Variants in NTN4 observed in about 807,000 individuals in gnomAD.
NTN4 encodes the protein netrin-4.
Under a neutral mutation model 73.6 loss-of-function variants are expected in NTN4, and 32 were observed. The ratio of observed to expected loss-of-function variants is 0.44; its 90% CI spans 0.33 to 0.58. The LOEUF is 0.58. Among genes scored for constraint, NTN4 ranks in the 20% least tolerant of loss-of-function variants. The pLI, the probability that NTN4 is intolerant of heterozygous loss-of-function variation, is 0.04. For missense variants in NTN4, 654 were observed against 798.3 expected, an observed-to-expected ratio of 0.82 and a Z score of 2.18; for synonymous variants, 258 against 287.5, an observed-to-expected ratio of 0.90 and a Z score of 1.04.
At chr12:95,676,251 G>A (rs757255851) in intron 7 of NTN4, among the ~76,000 whole-genome samples, 2 of 151,780 alleles carry the variant, frequency 1.3e-5, no homozygotes, top group East Asian at 1.9e-4. Flanking sequence ...TCACAGGTAC[G>A]CGCCACCACA....
chr12:95,713,182 G>A, intron 4 of NTN4, 30 bp downstream of exon 4: 3 of 1,601,230 alleles, frequency 1.9e-6, no homozygotes, highest in Non-Finnish European at 2.6e-6. Context: ...TACAAAGAAA[G>A]CTTTTGAGTA....
At chr12:95,763,730 T>C (rs2079003482) in intron 2 of NTN4, among the ~76,000 whole-genome samples, 1 of 152,250 alleles carries the variant, frequency 6.6e-6, no homozygotes, top group Non-Finnish European at 1.5e-5. Context: ...TCCAATTTTA[T>C]TTTTTAATCC....
At chr12:95,773,140 A>C (rs146235654) in intron 2 of NTN4, among the ~76,000 whole-genome samples, 1 of 152,120 alleles carries the variant, frequency 6.6e-6, no homozygotes, top group East Asian at 1.9e-4. Flanking sequence ...AGTAGCTGGA[A>C]TTTCAGGCAC....
At position 95,682,057 on chromosome 12, in the gene NTN4, C is replaced by CTTTTTTTTTTTTTTTTTTTT. The variant is rs557973212; in HGVS notation, c.1510+630_1510+649dup. On this transcript the variant is annotated intron_variant, in intron 7 of 9. Transcript: ENST00000343702. ...TTCCAAACCTAATATATTCAGTAGG[C>CTTTTTTTTTTTTTTTTTTTT]TTTTTTTTTTTTTTTTTTTTTTTGA... 4.5e-4 allele frequency among the ~76,000 whole-genome samples: 29 copies of CTTTTTTTTTTTTTTTTTTTT among 64,540 alleles called. 7 individuals carry two copies. The highest frequency in any genetic ancestry group is 7.7e-4 in the Admixed American group (3 of 3,902). The allele number at this position is 64,540 out of a possible 152,430, so 42.3% of individuals were successfully genotyped here.
chr12:95,716,269 C>G (rs574960330), intron 3 of NTN4, among the ~76,000 whole-genome samples: 101 of 152,246 alleles, frequency 6.6e-4, no homozygotes, highest in Non-Finnish European at 1.1e-3. Flanking sequence ...CTGTATAAAA[C>G]TTCTAAGTGC....
chr12:95,668,392 A>C (rs913400361), intron 8 of NTN4, among the ~76,000 whole-genome samples: 2 of 152,238 alleles, frequency 1.3e-5, no homozygotes, highest in Non-Finnish European at 2.9e-5. Context: ...ACTTTGAACT[A>C]AATTATCATA....
At chr12:95,659,472 AT>A (rs1265836824) in intron 9 of NTN4, among the ~76,000 whole-genome samples, 2 of 151,704 alleles carry the variant, frequency 1.3e-5, no homozygotes, top group African/African-American at 4.8e-5. Context: ...ATTTTTTCAT[AT>A]TTTTTGTCGA....
chr12:95,697,179 C>CAA (rs35893418), intron 5 of NTN4, among the ~76,000 whole-genome samples: 44 of 129,674 alleles, frequency 3.4e-4, no homozygotes, highest in South Asian at 4.9e-4. Context: ...AACCCTGTCT[C>CAA]AAAAAAAAAA....
chr12:95,762,492 A>ATTAG lies in NTN4; in HGVS notation c.586-24352_586-24349dup, dbSNP rs1419245785. Among the ~76,000 whole-genome samples the ATTAG allele has an allele frequency of 3.3e-5, 5 of 152,366 alleles. No homozygotes were observed. In the East Asian group the frequency reaches 7.7e-4, roughly 23 times the overall value. ...TTAAGTTTCGGTCTGAAGTATGAGG[A>ATTAG]TTAGTTGCAAGAGTTGAATTAAGAA... is the stretch of plus-strand genomic sequence containing the variant. On this transcript the variant is annotated intron_variant, in intron 2 of 9. Transcript: ENST00000343702.
At chr12:95,711,225 AT>A (rs2078563174) in intron 4 of NTN4, among the ~76,000 whole-genome samples, 1 of 152,184 alleles carries the variant, frequency 6.6e-6, no homozygotes, top group African/African-American at 2.4e-5. Flanking sequence ...ATTAAAAAAA[AT>A]AAGTTTCAGG....
At chr12:95,703,508 A>C (rs2078501706) in intron 5 of NTN4, among the ~76,000 whole-genome samples, 1 of 152,220 alleles carries the variant, frequency 6.6e-6, no homozygotes, top group African/African-American at 2.4e-5. Flanking sequence ...TCTCTGGTTA[A>C]ATTGGAGAGA....
At chr12:95,761,497 A>T (rs1354417206) in intron 2 of NTN4, among the ~76,000 whole-genome samples, 3 of 151,350 alleles carry the variant, frequency 2.0e-5, no homozygotes, top group Admixed American at 2.0e-4. Flanking sequence ...TGCCCAGCTA[A>T]TTTTTTTGTA....
chr12:95,742,363 G>GT (rs2078832909), intron 2 of NTN4, among the ~76,000 whole-genome samples: 1 of 144,994 alleles, frequency 6.9e-6, no homozygotes, highest in Non-Finnish European at 1.5e-5. Context: ...GCATGGTGGC[G>GT]TTAAAAAAAA....
chr12:95,719,592 G>T (rs1194201253), intron 3 of NTN4, among the ~76,000 whole-genome samples: 1 of 152,174 alleles, frequency 6.6e-6, no homozygotes, highest in South Asian at 2.1e-4. Flanking sequence ...TAATGGGCTA[G>T]CCTGTTAGAA....
chr12:95,755,273 G>T (rs1305267452), intron 2 of NTN4, among the ~76,000 whole-genome samples: 1 of 152,228 alleles, frequency 6.6e-6, no homozygotes. Context: ...CATTCTGTCA[G>T]ATGAGGACAT....
rs1454896864 is a variant in NTN4 at position 95,725,006 on chromosome 12, A to AGGATTTTTTT, written c.865-11669_865-11668insAAAAAAATCC. 7.4e-4 allele frequency among the ~76,000 whole-genome samples: 101 copies of AGGATTTTTTT among 135,854 alleles called. 19 individuals are homozygous for AGGATTTTTTT. Among genetic ancestry groups the AGGATTTTTTT allele is most frequent in the Non-Finnish European group, 1.0e-3 (63 of 62,462 alleles). 89.1% of individuals were successfully genotyped at this position (135,854 alleles called of 152,430 possible). On this transcript the variant is annotated intron_variant, in intron 3 of 9. Transcript: ENST00000343702. ...ATCTTAGAACAGTGATGTCATCAGG[A>AGGATTTTTTT]TTTTTTTTTTTTTTTTGCTTCCCAC...
At position 95,658,993 on chromosome 12, in the gene NTN4, T is replaced by C; in HGVS notation, c.*93A>G. ...AACATTTCTATATGTTTTGGCACTT[T>C]AAAAAATTCCAGTTTCCTGTCTGAG... On this transcript the variant is annotated 3_prime_UTR_variant, in exon 10 of 10. Coordinates refer to ENST00000343702, the MANE Select transcript of NTN4 (RefSeq NM_021229.4). 1 of 1,266,416 alleles carries C rather than the reference T, an allele frequency of 7.9e-7. No homozygotes were observed. Among genetic ancestry groups the C allele is most frequent in the Non-Finnish European group, 1.1e-6 (1 of 921,020 alleles). 78.4% of individuals were successfully genotyped at this position (1,266,416 alleles called of 1,614,324 possible).
At chr12:95,717,449 G>T (rs1009071668) in intron 3 of NTN4, among the ~76,000 whole-genome samples, 3 of 152,092 alleles carry the variant, frequency 2.0e-5, no homozygotes, top group Non-Finnish European at 4.4e-5. Context: ...ACCTCCCGGG[G>T]TCTGAAAGAT....
chr12:95,702,167 C>A (rs2078489718), intron 5 of NTN4, among the ~76,000 whole-genome samples: 1 of 151,930 alleles, frequency 6.6e-6, no homozygotes, highest in South Asian at 2.1e-4. Context: ...GTAATCCCAG[C>A]TGCTCGGGTG....
Sources: gnomAD v4.1 joint callset for allele counts (sites outside exome capture counted in the v4.1 genomes callset) on GRCh38, gnomAD v4.1.1 for gene constraint, MANE v1.5 for transcripts, NCBI Gene and HGNC (gene_info 2026-07-23, HGNC 2026-07-21) for gene names.